The following OCLN variants were observed in gnomAD, a reference collection of about 807,000 sequenced individuals.
OCLN encodes occludin.
A neutral mutation model predicts 47.9 loss-of-function variants in OCLN; 21 were observed. That is an observed-to-expected ratio of 0.44 (90% CI 0.31 to 0.63). OCLN has a LOEUF of 0.63. OCLN is among the 30% of genes least tolerant of loss of function. The pLI, the probability that OCLN is intolerant of heterozygous loss-of-function variation, is 0.08. For missense variants in OCLN, 360 were observed against 571.0 expected, an observed-to-expected ratio of 0.63 and a Z score of 3.77; for synonymous variants, 117 against 198.4, an observed-to-expected ratio of 0.59 and a Z score of 3.45.
chr5:69,496,819 T>C (rs1382384967), intron 1 of OCLN, among the ~76,000 whole-genome samples: 1 of 152,202 alleles, frequency 6.6e-6, no homozygotes, highest in East Asian at 1.9e-4. Context: ...ATGCTGGTTT[T>C]CAGATTAACA....
chr5:69,498,050 T>G (rs1561328460), intron 1 of OCLN, among the ~76,000 whole-genome samples: 1 of 151,098 alleles, frequency 6.6e-6, no homozygotes, highest in Admixed American at 6.6e-5. Context: ...GAGAATGGCG[T>G]GAACCCGGGA....
intron 4 of OCLN, among the ~76,000 whole-genome samples, chr5:69,515,590 C>T (rs1379756035): frequency 2.7e-4 from 34 of 127,388 alleles, no homozygotes; most frequent in Non-Finnish European, 4.8e-4. Context: ...GGGGGGCTGA[C>T]CCCCCCACCT....
intron 1 of OCLN, among the ~76,000 whole-genome samples, chr5:69,502,196 CAAAA>C (rs575237563): frequency 1.3e-5 from 1 of 74,676 alleles, no homozygotes; most frequent in Non-Finnish European, 2.8e-5. Flanking sequence ...AGACTCGGCT[CAAAA>C]AAAAAAAAAA....
At chr5:69,510,001 T>C (rs1001777890) in intron 3 of OCLN, among the ~76,000 whole-genome samples, 182 bp downstream of exon 3, 2 of 152,238 alleles carry the variant, frequency 1.3e-5, no homozygotes, top group African/African-American at 4.8e-5. Context: ...GTAATTTGAT[T>C]ACTTAAATAA....
At position 69,493,480 on chromosome 5, in the gene OCLN, A is replaced by T. The variant is rs184160163; in HGVS notation, c.-69+580A>T. 6.6e-6 allele frequency among the ~76,000 whole-genome samples: 1 copy of T among 152,182 alleles called. No individual in the cohort carries two copies. The highest frequency in any genetic ancestry group is 1.5e-5 in the Non-Finnish European group (1 of 68,008). On this transcript the variant is annotated intron_variant, in intron 1 of 8. Transcript: ENST00000396442. This position sits in a 1 kb window ranked among gnomAD's most constrained non-coding sequence, Gnocchi z 5.3. ...TTCCAGGAGTCACGGTGTGGGCCACACTGGCTACTTCGAATCCACTTGTTG... is the reference window on the plus strand; with the variant it reads ...TTCCAGGAGTCACGGTGTGGGCCACTCTGGCTACTTCGAATCCACTTGTTG...
chr5:69,531,730 C>T (rs534714628), intron 4 of OCLN, among the ~76,000 whole-genome samples: 2 of 152,316 alleles, frequency 1.3e-5, no homozygotes, highest in African/African-American at 2.4e-5. Flanking sequence ...TCCTTTCTGT[C>T]TCTGAATGTT....
At chr5:69,533,012 T>TGTGTGTGTGTGC (rs1554055329) in intron 4 of OCLN, among the ~76,000 whole-genome samples, 2 of 147,452 alleles carry the variant, frequency 1.4e-5, no homozygotes, top group Non-Finnish European at 3.0e-5. Context: ...TGTGTGTGTG[T>TGTGTGTGTGTGC]GTGTGTGTGT....
chr5:69,532,617 A>C (rs1298455066), intron 4 of OCLN, among the ~76,000 whole-genome samples: 1 of 152,094 alleles, frequency 6.6e-6, no homozygotes, highest in Non-Finnish European at 1.5e-5. Context: ...GATATGTAAT[A>C]ATTTAAAGGC....
intron 4 of OCLN, among the ~76,000 whole-genome samples, chr5:69,528,225 TAG>T (rs1769335563): frequency 6.6e-6 from 1 of 152,090 alleles, no homozygotes; most frequent in Non-Finnish European, 1.5e-5. Flanking sequence ...TGAGAACCTG[TAG>T]TACAAGGGCA....
At chr5:69,510,562 A>G (rs1310634191) in intron 3 of OCLN, among the ~76,000 whole-genome samples, 1 of 152,130 alleles carries the variant, frequency 6.6e-6, no homozygotes, top group Admixed American at 6.6e-5. Context: ...AGGCACCTGT[A>G]GTCCCAGCTA....
At chr5:69,498,508 A>C (rs1358911626) in intron 1 of OCLN, among the ~76,000 whole-genome samples, 1 of 151,986 alleles carries the variant, frequency 6.6e-6, no homozygotes, top group Non-Finnish European at 1.5e-5. Flanking sequence ...AAAAAAAAAA[A>C]TCAGTTTACA....
chr5:69,532,245 A>G (rs1403506215), intron 4 of OCLN, among the ~76,000 whole-genome samples: 2 of 151,424 alleles, frequency 1.3e-5, no homozygotes, highest in Non-Finnish European at 2.9e-5. Flanking sequence ...TTGTGTTTGT[A>G]TGTATTTGAG....
At chr5:69,498,668 T>A (rs1286190356) in intron 1 of OCLN, among the ~76,000 whole-genome samples, 1 of 152,118 alleles carries the variant, frequency 6.6e-6, no homozygotes, top group Admixed American at 6.6e-5. Context: ...CTAAATGCTC[T>A]TGTATACTTT....
chr5:69,518,308 G>C (rs1254642460), intron 4 of OCLN, among the ~76,000 whole-genome samples: 1 of 152,144 alleles, frequency 6.6e-6, no homozygotes, highest in African/African-American at 2.4e-5. Context: ...TAAAAGAATT[G>C]TCTGTTGAAT....
intron 4 of OCLN, among the ~76,000 whole-genome samples, chr5:69,531,094 A>G (rs965520262): frequency 6.6e-6 from 1 of 152,268 alleles, no homozygotes; most frequent in Non-Finnish European, 1.5e-5. Context: ...CTGTAAATCC[A>G]TGCCTACAAA....
chr5:69,532,181 T>G (rs1769449981), intron 4 of OCLN, among the ~76,000 whole-genome samples: 1 of 152,134 alleles, frequency 6.6e-6, no homozygotes, highest in Non-Finnish European at 1.5e-5. Flanking sequence ...TAAGGCTTTA[T>G]AGAATTTGTG....
At chr5:69,521,437 A>G (rs1314461170) in intron 4 of OCLN, among the ~76,000 whole-genome samples, 2 of 152,190 alleles carry the variant, frequency 1.3e-5, no homozygotes, top group Non-Finnish European at 2.9e-5. Flanking sequence ...TTTGTGTAAG[A>G]TAAATTTCTA....
At chr5:69,515,916 G>A (rs1227402506) in intron 4 of OCLN, among the ~76,000 whole-genome samples, 1 of 151,152 alleles carries the variant, frequency 6.6e-6, no homozygotes. Flanking sequence ...GGGCAGAGAC[G>A]CTCCTCACTT....
At chr5:69,522,864 C>T (rs956096806) in intron 4 of OCLN, among the ~76,000 whole-genome samples, 27 of 149,806 alleles carry the variant, frequency 1.8e-4, no homozygotes, top group African/African-American at 6.6e-4. Flanking sequence ...GTAGCTGGGA[C>T]TACAGACATG....
Sources: gnomAD v4.1 joint callset for allele counts (sites outside exome capture counted in the v4.1 genomes callset) on GRCh38, gnomAD v4.1.1 for gene constraint, Gnocchi (gnomAD v3.1) non-coding constraint, MANE v1.5 for transcripts, NCBI Gene and HGNC (gene_info 2026-07-23, HGNC 2026-07-21) for gene names.